Variants in PRKCB observed in about 807,000 individuals in gnomAD.
PRKCB encodes protein kinase C beta.
PRKCB carries 13 observed loss-of-function variants against 81.5 expected under a neutral mutation model. The observed-to-expected ratio is 0.16, with a 90% CI of 0.10 to 0.25. PRKCB has a LOEUF of 0.25. Among genes scored for constraint, PRKCB ranks in the 10% least tolerant of loss-of-function variants. The pLI, the probability that PRKCB is intolerant of heterozygous loss-of-function variation, is 1.00. For synonymous variants in PRKCB, 335 were observed against 321.4 expected, an observed-to-expected ratio of 1.04 and a Z score of -0.45; for missense variants, 509 against 875.7, an observed-to-expected ratio of 0.58 and a Z score of 5.29.
At chr16:24,153,902 A>G (rs1967114430) in intron 9 of PRKCB, among the ~76,000 whole-genome samples, 1 of 152,260 alleles carries the variant, frequency 6.6e-6, no homozygotes, top group Non-Finnish European at 1.5e-5. Context: ...GCAGGTTCTT[A>G]GTGAACATTA....
chr16:23,879,482 CTTTTTTTTTTTTTTTTTTTTTTTTT>C (rs546638229), intron 2 of PRKCB, among the ~76,000 whole-genome samples: 1 of 83,198 alleles, frequency 1.2e-5, no homozygotes, highest in African/African-American at 5.6e-5. Context: ...TTTAGCTATC[CTTTTTTTTTTTTTTTTTTTTTTTTT>C]TTTTTTTTTT....
chr16:23,898,406 A>G (rs1399121798), intron 2 of PRKCB, among the ~76,000 whole-genome samples: 1 of 151,936 alleles, frequency 6.6e-6, no homozygotes, highest in African/African-American at 2.4e-5. Flanking sequence ...TGTGCTAAGT[A>G]CTGTGCTGGG....
intron 2 of PRKCB, among the ~76,000 whole-genome samples, chr16:23,927,269 G>A (rs1326392901): frequency 1.3e-5 from 2 of 152,026 alleles, no homozygotes; most frequent in Non-Finnish European, 2.9e-5. Flanking sequence ...GAGTGCTCCA[G>A]GCAGAGGAAA....
chr16:24,074,007 C>T (rs1036199395), intron 5 of PRKCB, among the ~76,000 whole-genome samples: 1 of 151,906 alleles, frequency 6.6e-6, no homozygotes, highest in African/African-American at 2.4e-5. Flanking sequence ...TGGTGGCGGG[C>T]GCCTGTAGTA....
At chr16:23,838,747 C>T (rs1313663071) in intron 2 of PRKCB, among the ~76,000 whole-genome samples, 1 of 152,212 alleles carries the variant, frequency 6.6e-6, no homozygotes, top group Non-Finnish European at 1.5e-5. Context: ...CAGCATGGCA[C>T]TGTGCTCCTC....
At chr16:24,035,294 C>T (rs1164171472) in intron 4 of PRKCB, 125 bp from the exon 5 acceptor site, 4 of 1,289,940 alleles carry the variant, frequency 3.1e-6, no homozygotes, top group South Asian at 1.4e-5. Flanking sequence ...CTCAGCCAGG[C>T]TCGTGTGTCT....
chr16:23,842,005 G>T (rs1293152180), intron 2 of PRKCB, among the ~76,000 whole-genome samples: 2 of 152,026 alleles, frequency 1.3e-5, no homozygotes, highest in Non-Finnish European at 2.9e-5. Context: ...AGTGGATCTT[G>T]CTTTGCTGCC....
chr16:24,006,431 C>T (rs1485135110), intron 3 of PRKCB, among the ~76,000 whole-genome samples: 1 of 152,220 alleles, frequency 6.6e-6, no homozygotes, highest in Non-Finnish European at 1.5e-5. Flanking sequence ...AGCTCCCCAT[C>T]CGAGGATAGT....
chr16:23,980,615 G>A (rs763736168), intron 2 of PRKCB, among the ~76,000 whole-genome samples: 1 of 152,154 alleles, frequency 6.6e-6, no homozygotes, highest in African/African-American at 2.4e-5. Context: ...AACTTAGCCT[G>A]TAATTCCTGT....
chr16:24,172,666 C>T (rs1410703797), intron 11 of PRKCB, among the ~76,000 whole-genome samples: 2 of 151,992 alleles, frequency 1.3e-5, no homozygotes, highest in Non-Finnish European at 1.5e-5. Context: ...GGCACCATGA[C>T]GAGATCTCGT....
chr16:23,977,604 G>A (rs1401461459), intron 2 of PRKCB, among the ~76,000 whole-genome samples: 3 of 152,192 alleles, frequency 2.0e-5, no homozygotes, highest in Non-Finnish European at 4.4e-5. Context: ...ACATGTGGTC[G>A]CGCATACAGA....
intron 2 of PRKCB, among the ~76,000 whole-genome samples, chr16:23,888,249 CT>C (rs1288906788): frequency 6.6e-6 from 1 of 152,156 alleles, no homozygotes; most frequent in Non-Finnish European, 1.5e-5. Flanking sequence ...TACCAAGTGA[CT>C]TTTGAGGTTG....
intron 5 of PRKCB, among the ~76,000 whole-genome samples, chr16:24,038,101 G>C (rs1344118489): frequency 6.6e-6 from 1 of 152,196 alleles, no homozygotes; most frequent in East Asian, 1.9e-4. Context: ...AGGATCACTT[G>C]AGCCTGGGAG....
Position 23,870,358 on chromosome 16 carries a change from A to C in PRKCB, c.205+32952A>C, listed in dbSNP as rs557236979. Among the ~76,000 whole-genome samples, 57 of 152,338 alleles carry C rather than the reference A, an allele frequency of 3.7e-4. 2 individuals are homozygous for C. In the South Asian group the frequency reaches 0.012, roughly 31 times the overall value. On this transcript the variant is annotated intron_variant, in intron 2 of 16. Coordinates refer to ENST00000643927, the MANE Select transcript of PRKCB (RefSeq NM_002738.7). The stretch of plus-strand genomic sequence containing the variant: ...CCCTTTCTTTGGTTCATGTATAATA[A>C]CTGGAAACATGTATATAGCATGTGG...
chr16:24,094,774 AAGAG>A (rs771997919), intron 7 of PRKCB, among the ~76,000 whole-genome samples: 1 of 148,376 alleles, frequency 6.7e-6, no homozygotes, highest in African/African-American at 2.5e-5. Context: ...ATAAAAAAGA[AAGAG>A]AGAGAGAGAG....
At chr16:23,861,220 G>A (rs1327790467) in intron 2 of PRKCB, among the ~76,000 whole-genome samples, 1 of 151,584 alleles carries the variant, frequency 6.6e-6, no homozygotes, top group East Asian at 1.9e-4. Flanking sequence ...CCAGGCTGGA[G>A]TGCAGTGGCA....
chr16:24,056,866 A>G (rs1239112094), intron 5 of PRKCB, among the ~76,000 whole-genome samples: 1 of 152,188 alleles, frequency 6.6e-6, no homozygotes, highest in Non-Finnish European at 1.5e-5. Flanking sequence ...AGCCTCAGGT[A>G]TTCCTTGAGA....
At chr16:23,846,734 C>CT (rs1863767269) in intron 2 of PRKCB, among the ~76,000 whole-genome samples, 1 of 150,502 alleles carries the variant, frequency 6.6e-6, no homozygotes, top group African/African-American at 2.4e-5. Flanking sequence ...TGATTCTGTA[C>CT]TGGCTATTCC....
intron 16 of PRKCB, among the ~76,000 whole-genome samples, chr16:24,198,870 C>T (rs1362903742): frequency 2.6e-5 from 4 of 152,180 alleles, no homozygotes; most frequent in Admixed American, 6.5e-5. Context: ...CTTTCCTCCA[C>T]TCCTGACATT....
Sources: allele counts gnomAD v4.1 joint callset (sites outside exome capture counted in the v4.1 genomes callset), GRCh38; gene constraint gnomAD v4.1.1; transcripts MANE v1.5; gene names NCBI Gene and HGNC (gene_info 2026-07-23, HGNC 2026-07-21).